The following STK3 variants were observed in gnomAD, a reference collection of about 807,000 sequenced individuals.
The protein encoded by STK3 is serine/threonine kinase 3, also known as serine/threonine-protein kinase 3.
In STK3, 41 loss-of-function variants were observed where a neutral mutation model predicts 58.0. The observed-to-expected ratio is 0.71, with a 90% CI of 0.55 to 0.92. The LOEUF (loss-of-function observed/expected upper bound fraction) is 0.92. STK3 is among the 40% of genes least tolerant of loss of function. The pLI is 0.00. For synonymous variants in STK3, 170 were observed against 191.0 expected (o/e 0.89, Z 0.91); for missense variants, 479 against 602.7 (o/e 0.79, Z 2.15).
intron 6 of STK3, among the ~76,000 whole-genome samples, chr8:98,643,800 G>A (rs1457546538): frequency 6.6e-6 from 1 of 152,114 alleles, no homozygotes; most frequent in East Asian, 1.9e-4. Flanking sequence ...CTTGTGCCTA[G>A]AAGTTTGAGA....
the STK3 span, among the ~76,000 whole-genome samples, chr8:98,356,576 A>G: frequency 3.5e-3 from 538 of 152,360 alleles, 4 homozygotes; most frequent in Non-Finnish European, 5.0e-3. Context: ...GCTCCAGTAC[A>G]TGCAGATCCC....
chr8:98,857,139 T>C (rs560602560), intron 3 of STK3, among the ~76,000 whole-genome samples: 27 of 152,328 alleles, frequency 1.8e-4, no homozygotes, highest in African/African-American at 6.3e-4. Context: ...AAATTGACTA[T>C]GGTAATGCAC....
intron 6 of STK3, among the ~76,000 whole-genome samples, chr8:98,683,316 T>C (rs1174767884): frequency 1.3e-5 from 2 of 152,124 alleles, no homozygotes; most frequent in Non-Finnish European, 2.9e-5. Flanking sequence ...ACTTTCACTT[T>C]TTAATTTATT....
downstream of STK3, among the ~76,000 whole-genome samples, chr8:98,398,262 C>A (rs1329410807): frequency 6.6e-6 from 1 of 152,088 alleles, no homozygotes; most frequent in African/African-American, 2.4e-5. Context: ...GAAAGAGTGA[C>A]CCTCCCATTC....
Position 98,800,273 on chromosome 8 carries a change from T to G in STK3, c.26+25242A>C, listed in dbSNP as rs1342436776. The stretch of plus-strand genomic sequence containing the variant: ...GACCCCTGGACCGACCTGCTGGCAC[T>G]TTCAATGGCCTAGAGAGCTCCCCTC... On this transcript the variant is annotated intron_variant, in intron 1 of 10. Transcript: ENST00000419617. This position sits in a 1 kb window ranked among gnomAD's most constrained non-coding sequence, Gnocchi z 4.8. Among the ~76,000 whole-genome samples, 1 of 152,192 alleles carries G rather than the reference T, an allele frequency of 6.6e-6. No individual in the cohort carries two copies. The highest frequency in any genetic ancestry group is 1.5e-5 in the Non-Finnish European group (1 of 68,022).
chr8:98,941,422 G>T (rs1351734332), intron 1 of STK3, among the ~76,000 whole-genome samples: 1 of 152,202 alleles, frequency 6.6e-6, no homozygotes, highest in African/African-American at 2.4e-5. Context: ...AATGCAAAAG[G>T]TCCCCGCCCC....
At chr8:98,380,922 G>A (rs1433024011) in intron 1 of STK3, among the ~76,000 whole-genome samples, 1 of 106,424 alleles carries the variant, frequency 9.4e-6, no homozygotes, top group Admixed American at 8.7e-5. Flanking sequence ...CCCTCAGGTT[G>A]TTGTGTTTAT....
At chr8:98,883,577 C>A, downstream of STK3, 1 of 669,456 alleles carries the variant, frequency 1.5e-6, no homozygotes, top group Admixed American at 2.3e-5. Flanking sequence ...GGACAATAAA[C>A]ATCTAAAGGA....
chr8:98,589,897 A>G (rs1353661816), intron 7 of STK3, among the ~76,000 whole-genome samples: 1 of 152,176 alleles, frequency 6.6e-6, no homozygotes, highest in Non-Finnish European at 1.5e-5. Flanking sequence ...TTGACTAGGA[A>G]AGGGAACCCC....
Position 98,760,433 on chromosome 8 carries a change from C to T in STK3, c.236+6810G>A, listed in dbSNP as rs115571431. On this transcript the variant is annotated intron_variant, in intron 3 of 10. Coordinates refer to ENST00000419617, the MANE Select transcript of STK3 (RefSeq NM_006281.4). ...GGAATTACAGGCGTGAGCCACTGTGCCTGGCTAGTTTTGTCTCTTTTAAAG... is the reference window on the plus strand; with the variant it reads ...GGAATTACAGGCGTGAGCCACTGTGTCTGGCTAGTTTTGTCTCTTTTAAAG... Among the ~76,000 whole-genome samples the T allele has an allele frequency of 5.2e-3, 786 of 152,248 alleles. 6 individuals are homozygous for T. Among genetic ancestry groups the T allele is most frequent in the African/African-American group, 0.017 (711 of 41,536 alleles).
intron 3 of STK3, among the ~76,000 whole-genome samples, chr8:98,845,768 G>A (rs971068503): frequency 2.6e-5 from 4 of 152,224 alleles, no homozygotes; most frequent in Admixed American, 2.6e-4. Flanking sequence ...AGTTTAAGCA[G>A]AGAGATACTT....
chr8:98,539,566 C>T (rs1810057957), intron 9 of STK3, among the ~76,000 whole-genome samples: 1 of 152,044 alleles, frequency 6.6e-6, no homozygotes, highest in Non-Finnish European at 1.5e-5. Flanking sequence ...CATATATGTG[C>T]TGTCCAAAAT....
chr8:98,701,178 A>C (rs1454233530), intron 6 of STK3, among the ~76,000 whole-genome samples: 1 of 138,110 alleles, frequency 7.2e-6, no homozygotes, highest in African/African-American at 2.6e-5. Flanking sequence ...TGTCACATGG[A>C]TGGAAGGAAG....
intron 3 of STK3, among the ~76,000 whole-genome samples, chr8:98,873,566 T>C (rs1837458563): frequency 6.6e-6 from 1 of 152,258 alleles, no homozygotes; most frequent in Non-Finnish European, 1.5e-5. Flanking sequence ...GCTCTTCTTG[T>C]TGAATTGATC....
intron 3 of STK3, among the ~76,000 whole-genome samples, chr8:98,394,721 C>A (rs1053045921): frequency 1.1e-4 from 17 of 152,150 alleles, no homozygotes; most frequent in Admixed American, 5.9e-4. Flanking sequence ...ATCACATATT[C>A]TTTGTACACA....
intron 9 of STK3, among the ~76,000 whole-genome samples, chr8:98,546,490 A>G (rs181520467): frequency 2.0e-5 from 3 of 152,188 alleles, no homozygotes; most frequent in Admixed American, 6.6e-5. Context: ...AAAGCACTCA[A>G]TGATCTAATT....
intron 1 of STK3, among the ~76,000 whole-genome samples, chr8:98,822,067 T>TAC (rs1834944989): frequency 7.0e-6 from 1 of 142,984 alleles, no homozygotes; most frequent in Non-Finnish European, 1.6e-5. Flanking sequence ...CACACACACA[T>TAC]ACACACACAC....
At chr8:98,716,395 C>CA (rs1163264289) in intron 4 of STK3, among the ~76,000 whole-genome samples, 5 of 151,032 alleles carry the variant, frequency 3.3e-5, no homozygotes, top group African/African-American at 1.2e-4. Flanking sequence ...AAGGAAACTA[C>CA]AAAAAAAATT....
intron 6 of STK3, among the ~76,000 whole-genome samples, chr8:98,700,446 C>T (rs1014104653): frequency 1.6e-4 from 25 of 152,196 alleles, no homozygotes; most frequent in Non-Finnish European, 2.5e-4. Context: ...AGAAATCACC[C>T]GTCTTCTGCG....
Sources: allele counts gnomAD v4.1 joint callset (sites outside exome capture counted in the v4.1 genomes callset), GRCh38; gene constraint gnomAD v4.1.1; non-coding constraint Gnocchi (gnomAD v3.1); transcripts MANE v1.5; gene names NCBI Gene and HGNC (gene_info 2026-07-23, HGNC 2026-07-21).